CHRNE: variants seen among roughly 807,000 people sequenced by gnomAD.
CHRNE encodes the protein cholinergic receptor nicotinic epsilon subunit, also known as acetylcholine receptor subunit epsilon.
Under a neutral mutation model 56.5 loss-of-function variants are expected in CHRNE, and 58 were observed. The observed-to-expected ratio is 1.03, with a 90% confidence interval of 0.83 to 1.28. CHRNE has a LOEUF of 1.28. Ranked by LOEUF, CHRNE falls within the 50% of genes most tolerant of loss-of-function variation. The probability of loss-of-function intolerance (pLI) is 0.00; values close to 1 mark genes in which losing one functional copy is unlikely to be tolerated. For missense variants in CHRNE, 793 were observed against 688.9 expected (o/e 1.15, Z -1.69); for synonymous variants, 385 against 297.9 (o/e 1.29, Z -3.01).
intron 8 of CHRNE, chr17:4,900,470 G>A (rs184464124): frequency 1.3e-5 from 20 of 1,550,990 alleles, no homozygotes; most frequent in Admixed American, 2.0e-5. Flanking sequence ...TGCGACAGTC[G>A]CAACAGCAGC....
Position 4,900,866 on chromosome 17 carries a change from C to G in CHRNE, c.844G>C (p.Ala282Pro). 2 of 1,614,166 alleles carry G rather than the reference C, an allele frequency of 1.2e-6. No individual in the cohort carries two copies. Among genetic ancestry groups the G allele is most frequent in the Non-Finnish European group, 1.7e-6 (2 of 1,180,006 alleles). The change falls in exon 8 of 12, where the codon GCC (alanine) becomes CCC (proline). Residue 282 changes from alanine to proline, a missense_variant. Physicochemically the swap from Ala to Pro is conservative, Grantham distance 27. Transcript: ENST00000649488. ...KCTVSINVLLAQTVFLFLIAQ... is the reference protein window; with the variant it reads ...KCTVSINVLLPQTVFLFLIAQ... The stretch of plus-strand genomic sequence containing the variant: ...ATGAGGAACAAGAAGACGGTCTGGG[C>G]GAGCAGGACGTTGATGGAGACCGTG...
upstream of CHRNE, among the ~76,000 whole-genome samples, chr17:4,906,017 G>T (rs190069379): frequency 2.0e-5 from 3 of 152,304 alleles, no homozygotes; most frequent in African/African-American, 7.2e-5. Context: ...CACTTCGTCA[G>T]CACTGCCCAT....
chr17:4,907,940 GC>G (rs1970111985), upstream of CHRNE, among the ~76,000 whole-genome samples: 3 of 152,110 alleles, frequency 2.0e-5, no homozygotes, highest in Admixed American at 2.0e-4. Flanking sequence ...ACTTTGGGAG[GC>G]CGAGGCGGGC....
upstream of CHRNE, among the ~76,000 whole-genome samples, chr17:4,905,991 C>T (rs561645108): frequency 2.8e-4 from 43 of 152,322 alleles, no homozygotes; most frequent in African/African-American, 9.9e-4. Flanking sequence ...CCGCTCTGTC[C>T]GCTCTCTGCT....
chr17:4,898,581 C>A lies in CHRNE; in HGVS notation c.*155G>T. The A allele has an allele frequency of 1.9e-6, 2 of 1,044,736 alleles. No individual in the cohort carries two copies. Among genetic ancestry groups the A allele is most frequent in the Non-Finnish European group, 2.8e-6 (2 of 712,302 alleles). The allele number at this position is 1,044,736 out of a possible 1,614,324, so 64.7% of individuals were successfully genotyped here. On this transcript the variant is annotated 3_prime_UTR_variant, in exon 12 of 12. Transcript: ENST00000649488. The stretch of plus-strand genomic sequence containing the variant: ...CCCCTGGACTGCGGCCAGGCCTACA[C>A]ACGCCAGGGAACGGGCACACACCAT...
chr17:4,899,319 G>T lies in CHRNE; in HGVS notation c.1098C>A (p.Ala366=), dbSNP rs778313885. 1 of 1,566,574 alleles carries T rather than the reference G, an allele frequency of 6.4e-7. No individual in the cohort carries two copies. Among genetic ancestry groups the T allele is most frequent in the South Asian group, 1.1e-5 (1 of 87,222 alleles). The change falls in exon 10 of 12, where the codon GCC becomes GCA. Residue 366 remains alanine, a synonymous_variant. Coordinates refer to ENST00000649488, the MANE Select transcript of CHRNE (RefSeq NM_000080.4). The stretch of plus-strand genomic sequence containing the variant: ...CCGACGACGCCCGCCTTGGGGGCGA[G>T]GCGGCCCGGGGGGCCTCGGGCGGCG... The part of the protein sequence containing the change: ...SPPPPEAPRA[A]SPPRRASSVG...
intron 8 of CHRNE, 195 bp from the exon 9 acceptor site, chr17:4,899,777 C>T: frequency 1.3e-6 from 2 of 1,551,342 alleles, no homozygotes; most frequent in Non-Finnish European, 1.7e-6. Context: ...AGGGGACCCC[C>T]AGCTCCCTGG....
chr17:4,901,315 C>T (rs1295866671), intron 6 of CHRNE, 125 bp from the exon 7 acceptor site: 5 of 1,127,436 alleles, frequency 4.4e-6, no homozygotes, highest in South Asian at 1.3e-5. Flanking sequence ...GGGGCAATTA[C>T]GGACAGAAAA....
chr17:4,900,034 G>C (rs1454410304), intron 8 of CHRNE: 4 of 1,551,306 alleles, frequency 2.6e-6, no homozygotes. Context: ...AGTCCCTGGA[G>C]CCACCCGAAC....
Position 4,903,034 on chromosome 17 carries a change from G to A in CHRNE, c.30C>T (p.Leu10=), listed in dbSNP as rs1567640491. The A allele has an allele frequency of 1.2e-6, 2 of 1,613,918 alleles. No homozygotes were observed. The highest frequency in any genetic ancestry group is 3.3e-5 in the Admixed American group (2 of 59,990). Residue 10 remains leucine, a synonymous_variant, in exon 1 of 12, where the codon CTC becomes CTT. Coordinates refer to ENST00000649488, the MANE Select transcript of CHRNE (RefSeq NM_000080.4). ...TGTCCGTACCGAGAAGCCCCAAGAG[G>A]AGCAGGACCCCAAGCGGAGCCCTTG... MARAPLGVL[L]LLGLLGRGVG...
Position 4,898,448 on chromosome 17 carries a change from G to A in CHRNE, c.*288C>T, listed in dbSNP as rs957939860. ...CTGGCAGCCACCAGAGTCCCGTGGG[G>A]CTGAGCCTTAGAAAGGCTGGGAGGT... On this transcript the variant is annotated 3_prime_UTR_variant, in exon 12 of 12. Transcript: ENST00000649488. 7.8e-6 allele frequency: 4 copies of A among 510,142 alleles called. No homozygotes were observed. The highest frequency in any genetic ancestry group is 4.1e-5 in the South Asian group (2 of 48,576). The allele number at this position is 510,142 out of a possible 1,614,324, so 31.6% of individuals were successfully genotyped here.
At position 4,899,252 on chromosome 17, in the gene CHRNE, G is replaced by T; in HGVS notation, c.1165C>A (p.Pro389Thr). 6.2e-7 allele frequency: 1 copy of T among 1,606,004 alleles called. No homozygotes were observed. The change falls in exon 10 of 12, where the codon CCA becomes ACA. Residue 389 changes from proline (P) to threonine (T), a missense_variant. Coordinates refer to ENST00000649488, the MANE Select transcript of CHRNE (RefSeq NM_000080.4). ...CCCTCAAACACGAGCTCGCTCCGTG[G>T]CTTTTTCAGTATCAGCTCCTCCGCG... ...LRAEELILKKPRSELVFEGQR... is the reference protein window; with the variant it reads ...LRAEELILKKTRSELVFEGQR...
At chr17:4,900,447 T>C in intron 8 of CHRNE, 1 of 1,550,972 alleles carries the variant, frequency 6.4e-7, no homozygotes, top group Non-Finnish European at 8.7e-7. Context: ...TCTGCAGGGG[T>C]CTGCCTCATT....
upstream of CHRNE, among the ~76,000 whole-genome samples, chr17:4,907,261 G>A (rs1050376730): frequency 6.6e-6 from 1 of 152,008 alleles, no homozygotes; most frequent in Non-Finnish European, 1.5e-5. Context: ...TATGGCAAGG[G>A]TCCTTCAAGA....
At chr17:4,907,565 T>TC (rs1338939249), upstream of CHRNE, among the ~76,000 whole-genome samples, 2 of 29,600 alleles carry the variant, frequency 6.8e-5, no homozygotes, top group East Asian at 5.8e-4. Flanking sequence ...AGACTCAGTC[T>TC]CAAAAAAAAA....
chr17:4,901,438 T>A (rs940813734), intron 6 of CHRNE, 87 bp downstream of exon 6: 2 of 1,234,692 alleles, frequency 1.6e-6, no homozygotes, highest in African/African-American at 3.0e-5. Flanking sequence ...TCCTCCAGTG[T>A]CGTTGGTCCG....
rs1408085720 is a variant in CHRNE, at chr17:4,900,832, T to C, written c.878A>G (p.Lys293Arg). ...QTVFLFLIAQ[K>R]IPETSLSVPL... ...CACGCTCAGAGAAGTCTCTGGGATT[T>C]TCTGGGCAATGAGGAACAAGAAGAC... The change falls in exon 8 of 12, where the codon AAA becomes AGA. Residue 293 changes from lysine to arginine, a missense_variant. Lys to Arg is a conservative substitution (Grantham distance 26, BLOSUM62 2). Transcript: ENST00000649488. 2 of 1,614,092 alleles carry C rather than the reference T, an allele frequency of 1.2e-6. No homozygotes were observed. Among genetic ancestry groups the C allele is most frequent in the South Asian group, 2.2e-5 (2 of 91,080 alleles).
At chr17:4,908,242 GC>G (rs1970115101) in intron 1 of CHRNE, among the ~76,000 whole-genome samples, 1 of 152,228 alleles carries the variant, frequency 6.6e-6, no homozygotes, top group African/African-American at 2.4e-5. Context: ...TAGGAGAGGT[GC>G]GGGTTACAGT....
intron 8 of CHRNE, chr17:4,899,885 T>G: frequency 6.5e-7 from 1 of 1,549,106 alleles, no homozygotes; most frequent in Middle Eastern, 1.7e-4. Flanking sequence ...GGTCTCCTGT[T>G]CGCCCCTGTG....
Sources: allele counts gnomAD v4.1 joint callset (sites outside exome capture counted in the v4.1 genomes callset), GRCh38; gene constraint gnomAD v4.1.1; transcripts MANE v1.5; gene names NCBI Gene and HGNC (gene_info 2026-07-23, HGNC 2026-07-21).